Variants in DOCK4 observed in about 807,000 individuals in gnomAD.
DOCK4 encodes the protein dedicator of cytokinesis 4, also known as dedicator of cytokinesis protein 4.
A neutral mutation model predicts 268.1 loss-of-function variants in DOCK4; 97 were observed. The ratio of observed to expected loss-of-function variants is 0.36; its 90% confidence interval spans 0.31 to 0.43. The LOEUF is 0.43. Ranked by LOEUF, DOCK4 falls within the 20% of genes least tolerant of loss-of-function variation. DOCK4 has a pLI of 1.00. For missense variants in DOCK4, 2,145 were observed against 2,455.7 expected (o/e 0.87, Z 2.67); for synonymous variants, 954 against 887.2 (o/e 1.08, Z -1.34).
chr7:112,029,895 A>ATAAATAGCTATTC (rs1803128488), intron 1 of DOCK4, among the ~76,000 whole-genome samples: 1 of 152,238 alleles, frequency 6.6e-6, no homozygotes, highest in African/African-American at 2.4e-5. Context: ...TATTCATGAC[A>ATAAATAGCTATTC]ATTAAATAGC....
At chr7:111,804,753 C>T (rs921538266) in intron 30 of DOCK4, among the ~76,000 whole-genome samples, 2 of 151,980 alleles carry the variant, frequency 1.3e-5, no homozygotes, top group Non-Finnish European at 2.9e-5. Flanking sequence ...GCATATGCCA[C>T]CACACCCAGC....
intron 8 of DOCK4, among the ~76,000 whole-genome samples, chr7:111,956,523 C>A (rs974898883): frequency 6.6e-6 from 1 of 152,164 alleles, no homozygotes; most frequent in African/African-American, 2.4e-5. Flanking sequence ...CTGAGTCACG[C>A]AAGAAGCTGC....
intron 45 of DOCK4, 29 bp downstream of exon 45, chr7:111,741,984 C>T: frequency 6.5e-7 from 1 of 1,532,680 alleles, no homozygotes; most frequent in South Asian, 1.3e-5. Flanking sequence ...GATCAGGCTG[C>T]CCCGCCATGG....
At chr7:111,765,096 A>T in intron 39 of DOCK4, 22 bp downstream of exon 39, 1 of 1,258,406 alleles carries the variant, frequency 7.9e-7, no homozygotes, top group Non-Finnish European at 1.1e-6. Context: ...TGTGAAAGCA[A>T]ATTAAATAGT....
rs548729746 is a variant in DOCK4 at position 111,933,013 on chromosome 7, T to C, written c.1066+2527A>G. 8.6e-5 allele frequency among the ~76,000 whole-genome samples: 13 copies of C among 151,436 alleles called. 1 individual carries two copies. Among genetic ancestry groups the C allele is most frequent in the African/African-American group, 2.4e-4 (10 of 41,272 alleles). On this transcript the variant is annotated intron_variant, in intron 12 of 52. Transcript: ENST00000428084. Reference sequence around the variant, plus strand: ...GCTCTACTATCTTACTGAGGGGGTATTGAAATTAAACCATTTTATCCATGG... The same window carrying C: ...GCTCTACTATCTTACTGAGGGGGTACTGAAATTAAACCATTTTATCCATGG...
intron 23 of DOCK4, among the ~76,000 whole-genome samples, chr7:111,850,466 C>T (rs1804456924): frequency 6.6e-6 from 1 of 152,110 alleles, no homozygotes. Context: ...ATCACCATGA[C>T]CCTCACCTTG....
intron 1 of DOCK4, among the ~76,000 whole-genome samples, chr7:112,102,519 G>A (rs936132548): frequency 1.3e-5 from 2 of 152,134 alleles, no homozygotes. Context: ...GCCTTTGGGA[G>A]GCGATTAGGC....
rs113979200 is a variant in DOCK4 at position 112,061,385 on chromosome 7, A to C, written c.38-57254T>G. On this transcript the variant is annotated intron_variant, in intron 1 of 52. Transcript: ENST00000428084. ...ACAGACATTCACTGCCAGCAAGAGA[A>C]TGACAGCCACATTAAGAAGACTGTC... Among the ~76,000 whole-genome samples the C allele has an allele frequency of 3.1e-3, 469 of 152,286 alleles. 3 individuals are homozygous for C. The highest frequency in any genetic ancestry group is 0.011 in the African/African-American group (452 of 41,554).
chr7:112,006,492 C>G (rs2135332344), intron 1 of DOCK4, among the ~76,000 whole-genome samples: 1 of 152,328 alleles, frequency 6.6e-6, no homozygotes, highest in South Asian at 2.1e-4. Flanking sequence ...CATGTATTAT[C>G]TCATTTCTTA....
At chr7:111,841,293 T>C (rs1187881208) in intron 25 of DOCK4, among the ~76,000 whole-genome samples, 2 of 152,004 alleles carry the variant, frequency 1.3e-5, no homozygotes, top group African/African-American at 2.4e-5. Flanking sequence ...GTCTCCTGAG[T>C]AGCTGGGGTT....
At chr7:111,830,453 A>C (rs1802737774) in intron 26 of DOCK4, among the ~76,000 whole-genome samples, 1 of 152,126 alleles carries the variant, frequency 6.6e-6, no homozygotes, top group South Asian at 2.1e-4. Context: ...AACAAAAAAA[A>C]CAAGATGACT....
chr7:111,991,659 T>C (rs1056661018), intron 5 of DOCK4, among the ~76,000 whole-genome samples: 30 of 151,876 alleles, frequency 2.0e-4, no homozygotes, highest in Admixed American at 6.6e-5. Context: ...TTGATAAGAT[T>C]CAAGAATAAA....
intron 1 of DOCK4, among the ~76,000 whole-genome samples, chr7:112,101,693 C>T (rs2135813777): frequency 6.6e-6 from 1 of 152,302 alleles, no homozygotes; most frequent in South Asian, 2.1e-4. Flanking sequence ...CTCATTTTTC[C>T]TTTTGCTCTT....
At chr7:111,875,294 T>C (rs1806760395) in intron 17 of DOCK4, among the ~76,000 whole-genome samples, 3 of 152,262 alleles carry the variant, frequency 2.0e-5, no homozygotes, top group South Asian at 2.1e-4. Flanking sequence ...GAAAATGTTC[T>C]CTACTTTTAA....
At chr7:111,767,802 C>T (rs965048610) in intron 37 of DOCK4, among the ~76,000 whole-genome samples, 11 of 152,048 alleles carry the variant, frequency 7.2e-5, no homozygotes, top group Admixed American at 6.6e-4. Context: ...GTGACTGGTA[C>T]CCTGGATTCC....
At position 111,915,911 on chromosome 7, in the gene DOCK4, C is replaced by G. The variant is rs1272676780; in HGVS notation, c.1067-7G>C. 1.2e-6 allele frequency: 2 copies of G among 1,608,860 alleles called. No individual in the cohort carries two copies. Among genetic ancestry groups the G allele is most frequent in the South Asian group, 1.1e-5 (1 of 89,740 alleles). ...TGTAAGGAAACTGCTAAACCTAAAA[C>G]AGATGAGAGATACCCGAGTTAAAAA... is the stretch of plus-strand genomic sequence containing the variant. On this transcript the variant is annotated splice_region_variant and splice_polypyrimidine_tract_variant and intron_variant, in intron 12 of 52. Coordinates refer to ENST00000428084, the MANE Select transcript of DOCK4 (RefSeq NM_001363540.2).
chr7:111,932,316 G>A (rs1794266847), intron 12 of DOCK4, among the ~76,000 whole-genome samples: 1 of 152,176 alleles, frequency 6.6e-6, no homozygotes, highest in African/African-American at 2.4e-5. Flanking sequence ...GACTACATGT[G>A]AAAAGTCAGA....
At chr7:112,033,929 T>C (rs1265473023) in intron 1 of DOCK4, among the ~76,000 whole-genome samples, 1 of 152,224 alleles carries the variant, frequency 6.6e-6, no homozygotes, top group Non-Finnish European at 1.5e-5. Context: ...AGTTCTCAAA[T>C]GATAGCATAT....
intron 1 of DOCK4, among the ~76,000 whole-genome samples, chr7:112,132,612 T>G (rs1472090207): frequency 6.6e-6 from 1 of 152,018 alleles, no homozygotes; most frequent in African/African-American, 2.4e-5. Flanking sequence ...AAGCAAATGC[T>G]TTAATAGAAA....
Sources: allele counts gnomAD v4.1 joint callset (sites outside exome capture counted in the v4.1 genomes callset), GRCh38; gene constraint gnomAD v4.1.1; transcripts MANE v1.5; gene names NCBI Gene and HGNC (gene_info 2026-07-23, HGNC 2026-07-21).